Variants in KREMEN1 observed in about 807,000 individuals in gnomAD.
The protein encoded by KREMEN1 is kringle containing transmembrane protein 1, also known as kremen protein 1.
Under a neutral mutation model 46.5 loss-of-function variants are expected in KREMEN1, and 30 were observed. The ratio of observed to expected loss-of-function variants is 0.65; its 90% CI spans 0.48 to 0.88. KREMEN1 has a LOEUF of 0.88. KREMEN1 is among the 40% of genes least tolerant of loss of function. KREMEN1 has a pLI of 0.00. For missense variants in KREMEN1, 533 were observed against 596.9 expected (o/e 0.89, Z 1.11); for synonymous variants, 214 against 230.6 (o/e 0.93, Z 0.65).
chr22:29,121,209 A>G lies in KREMEN1; in HGVS notation c.353-148A>G, dbSNP rs533369078. On this transcript the variant is annotated intron_variant, in intron 3 of 8. Coordinates refer to ENST00000400335, the MANE Select transcript of KREMEN1 (RefSeq NM_001039570.3). Reference sequence around the variant, plus strand: ...TTTAGCAGAGGACACTAAAGCTTCCATTTTCAAAGCTGGTTGCTTGTTGTT... The same window carrying G: ...TTTAGCAGAGGACACTAAAGCTTCCGTTTTCAAAGCTGGTTGCTTGTTGTT... The G allele has an allele frequency of 8.0e-6, 7 of 872,374 alleles. No individual in the cohort carries two copies. In the East Asian group the frequency reaches 1.8e-4, roughly 23 times the overall value. 54.0% of individuals were successfully genotyped at this position (872,374 alleles called of 1,614,324 possible). A position where few individuals can be genotyped will look rare whatever the true frequency, so the allele number is the denominator to read the frequency against.
intron 3 of KREMEN1, among the ~76,000 whole-genome samples, chr22:29,103,915 C>G (rs1208685769): frequency 2.0e-5 from 3 of 151,856 alleles, no homozygotes; most frequent in Non-Finnish European, 4.4e-5. Flanking sequence ...ATCCAGCCCC[C>G]CAAACAGTGA....
rs567576061 is a variant in KREMEN1, at chr22:29,100,774, C to T, written c.352+1821C>T. On this transcript the variant is annotated intron_variant, in intron 3 of 8. Coordinates refer to ENST00000400335, the MANE Select transcript of KREMEN1 (RefSeq NM_001039570.3). ...GCATTGTTTTCACAGATGACAGCTCCATGTGGGTTATTGTCTCCTTCCAGT... is the reference window on the plus strand; with the variant it reads ...GCATTGTTTTCACAGATGACAGCTCTATGTGGGTTATTGTCTCCTTCCAGT... Among the ~76,000 whole-genome samples the T allele has an allele frequency of 2.6e-5, 4 of 152,258 alleles. No individual in the cohort carries two copies. The South Asian group carries it at 8.3e-4, about 32-fold the overall frequency.
In KREMEN1 at chr22:29,142,638, C is replaced by G; in HGVS notation, c.*526C>G. ...ACAAGTGCGGACTCCTGGACATTAG[C>G]GAGGTGTAAAGAGGGCAGTGTCTGT... On this transcript the variant is annotated 3_prime_UTR_variant, in exon 9 of 9. Transcript: ENST00000400335. The G allele has an allele frequency of 2.0e-6, 2 of 985,520 alleles. No individual in the cohort carries two copies. The highest frequency in any genetic ancestry group is 2.4e-6 in the Non-Finnish European group (2 of 830,010). The allele number at this position is 985,520 out of a possible 1,614,324, so 61.0% of individuals were successfully genotyped here. A position where few individuals can be genotyped will look rare whatever the true frequency, so the allele number is the denominator to read the frequency against.
rs564129545 is a variant in KREMEN1, at chr22:29,089,126, C to G, written c.98-5132C>G. ...TCTCTCTACACGTAAGTGCTGGGGA[C>G]CATATTTCTAGCTTTAGCCTCAGCC... On this transcript the variant is annotated intron_variant, in intron 1 of 8. Coordinates refer to ENST00000400335, the MANE Select transcript of KREMEN1 (RefSeq NM_001039570.3). Among the ~76,000 whole-genome samples the G allele has an allele frequency of 3.3e-5, 5 of 152,268 alleles. 1 individual carries two copies. The South Asian group carries it at 8.3e-4, about 25-fold the overall frequency.
chr22:29,117,213 T>C lies in KREMEN1; in HGVS notation c.353-4144T>C, dbSNP rs1017035474. On this transcript the variant is annotated intron_variant, in intron 3 of 8. Coordinates refer to ENST00000400335, the MANE Select transcript of KREMEN1 (RefSeq NM_001039570.3). ...TATTTTTATATGCCCAAAAGACTAATGTGGATATAAAGCTTATTAAACTGG... is the reference window on the plus strand; with the variant it reads ...TATTTTTATATGCCCAAAAGACTAACGTGGATATAAAGCTTATTAAACTGG... Among the ~76,000 whole-genome samples, 5 of 152,098 alleles carry C rather than the reference T, an allele frequency of 3.3e-5. No homozygotes were observed. In the East Asian group the frequency reaches 5.8e-4, roughly 18 times the overall value.
In KREMEN1 at chr22:29,125,448, G is replaced by A. The variant is rs1387730122; in HGVS notation, c.631+32G>A. The A allele has an allele frequency of 3.1e-6, 5 of 1,610,548 alleles. No individual in the cohort carries two copies. The South Asian group carries it at 5.5e-5, about 18-fold the overall frequency. On this transcript the variant is annotated intron_variant, in intron 5 of 8. Coordinates refer to ENST00000400335, the MANE Select transcript of KREMEN1 (RefSeq NM_001039570.3). ...ATGCCCTGTGCCCATCACTGCCCAA[G>A]GCACAGGAACCCTTGGACCAGAGCA...
intron 3 of KREMEN1, among the ~76,000 whole-genome samples, chr22:29,117,521 G>C (rs2038261837): frequency 6.6e-6 from 1 of 151,480 alleles, no homozygotes; most frequent in African/African-American, 2.4e-5. Flanking sequence ...GAGCCAAGAT[G>C]GCACCACTGC....
chr22:29,129,968 C>T (rs1335518035), intron 5 of KREMEN1, among the ~76,000 whole-genome samples: 1 of 152,196 alleles, frequency 6.6e-6, no homozygotes, highest in African/African-American at 2.4e-5. Flanking sequence ...CCAGAGTCAA[C>T]AGTGGGTTAC....
downstream of KREMEN1, among the ~76,000 whole-genome samples, chr22:29,148,971 C>T (rs139797775): frequency 1.6e-3 from 250 of 152,068 alleles, no homozygotes; most frequent in African/African-American, 5.8e-3. Context: ...GACCACTTGC[C>T]TGGGAATCCC....
At chr22:29,111,182 C>G (rs992671461) in intron 3 of KREMEN1, among the ~76,000 whole-genome samples, 4 of 151,918 alleles carry the variant, frequency 2.6e-5, no homozygotes, top group Non-Finnish European at 5.9e-5. Context: ...GTAGTACACA[C>G]TGGTAGTCCC....
At chr22:29,101,252 C>CAAAAAAAAAAAAA (rs368843166) in intron 3 of KREMEN1, among the ~76,000 whole-genome samples, 1 of 74,806 alleles carries the variant, frequency 1.3e-5, no homozygotes, top group Non-Finnish European at 2.4e-5. Flanking sequence ...AGTCTGTCTC[C>CAAAAAAAAAAAAA]AAAAAAAAAA....
intron 3 of KREMEN1, among the ~76,000 whole-genome samples, chr22:29,102,860 A>T (rs1233877142): frequency 1.3e-5 from 2 of 152,166 alleles, no homozygotes; most frequent in East Asian, 3.9e-4. Context: ...AGAGCTCTAT[A>T]GTACCTGGTT....
intron 9 of KREMEN1, among the ~76,000 whole-genome samples, chr22:29,159,139 T>G (rs1001286103): frequency 2.8e-4 from 42 of 150,414 alleles, no homozygotes; most frequent in Non-Finnish European, 4.9e-4. Context: ...TTTTTTTTTT[T>G]TTTTTTTTTA....
intron 1 of KREMEN1, among the ~76,000 whole-genome samples, chr22:29,093,232 A>C (rs931599236): frequency 2.0e-5 from 3 of 152,202 alleles, no homozygotes; most frequent in African/African-American, 7.2e-5. Flanking sequence ...TGGCATTAAG[A>C]GTCCTTAATA....
intron 2 of KREMEN1, among the ~76,000 whole-genome samples, chr22:29,097,875 C>A (rs2037905233): frequency 6.6e-6 from 1 of 151,914 alleles, no homozygotes; most frequent in Non-Finnish European, 1.5e-5. Context: ...TTTATAACTG[C>A]CTCTTTAAAA....
At chr22:29,084,183 A>G (rs972263297) in intron 1 of KREMEN1, among the ~76,000 whole-genome samples, 2 of 152,050 alleles carry the variant, frequency 1.3e-5, no homozygotes, top group Admixed American at 6.6e-5. Context: ...AGCTGTGAGG[A>G]TGACCAGAGG....
chr22:29,106,277 G>A (rs1222132614), intron 3 of KREMEN1, among the ~76,000 whole-genome samples: 1 of 151,270 alleles, frequency 6.6e-6, no homozygotes, highest in East Asian at 1.9e-4. Flanking sequence ...CTGGAGTGCA[G>A]TGGTGTGATC....
intron 2 of KREMEN1, 41 bp from the exon 3 acceptor site, chr22:29,098,821 A>C: frequency 7.0e-7 from 1 of 1,433,918 alleles, no homozygotes; most frequent in African/African-American, 1.4e-5. Flanking sequence ...CAGTTGAATT[A>C]AAACATCAGA....
intron 1 of KREMEN1, among the ~76,000 whole-genome samples, chr22:29,084,615 T>C (rs1451227829): frequency 6.6e-6 from 1 of 152,214 alleles, no homozygotes; most frequent in Non-Finnish European, 1.5e-5. Context: ...CACTGCATTC[T>C]GGACCTTCTC....
Sources: gnomAD v4.1 joint callset for allele counts (sites outside exome capture counted in the v4.1 genomes callset) on GRCh38, gnomAD v4.1.1 for gene constraint, MANE v1.5 for transcripts, NCBI Gene and HGNC (gene_info 2026-07-23, HGNC 2026-07-21) for gene names.